The following NDUFAF6 variants were observed in gnomAD, a reference collection of about 807,000 sequenced individuals.
NDUFAF6 encodes NADH dehydrogenase (ubiquinone) complex I, assembly factor 6.
In NDUFAF6, 45 loss-of-function variants were observed where a neutral mutation model predicts 40.8. The observed-to-expected ratio is 1.10, with a 90% CI of 0.87 to 1.42. The LOEUF is 1.42. NDUFAF6 is among the 40% of genes most tolerant of loss of function. The pLI is 0.00. For synonymous variants in NDUFAF6, 185 were observed against 155.9 expected (o/e 1.19, Z -1.39); for missense variants, 435 against 418.5 (o/e 1.04, Z -0.34).
intron 2 of NDUFAF6, among the ~76,000 whole-genome samples, chr8:95,014,376 G>A (rs565083607): frequency 6.6e-6 from 1 of 152,356 alleles, no homozygotes; most frequent in East Asian, 1.9e-4. Context: ...CTTGGCATGT[G>A]TAAGGAACAC....
chr8:94,921,866 T>C (rs1212885063), intron 1 of NDUFAF6, among the ~76,000 whole-genome samples: 2 of 152,224 alleles, frequency 1.3e-5, no homozygotes, highest in Non-Finnish European at 2.9e-5. Context: ...TTTAGGGCAA[T>C]GGTCTCAAAG....
chr8:94,979,561 G>A (rs901941636), intron 1 of NDUFAF6, among the ~76,000 whole-genome samples: 2 of 152,056 alleles, frequency 1.3e-5, no homozygotes, highest in Non-Finnish European at 2.9e-5. Context: ...GAAATCTGGG[G>A]ATTTTACTTT....
At chr8:95,072,606 G>C (rs1356407436) in intron 9 of NDUFAF6, 1 of 152,262 alleles carries the variant, frequency 6.6e-6, no homozygotes, top group Non-Finnish European at 1.5e-5. Flanking sequence ...GGTATGTTCA[G>C]CCTTTTTCTA....
At chr8:94,990,023 C>T (rs1175397766) in intron 2 of NDUFAF6, among the ~76,000 whole-genome samples, 1 of 152,162 alleles carries the variant, frequency 6.6e-6, no homozygotes, top group Admixed American at 6.5e-5. Context: ...AGCCACCACG[C>T]CTGGCCAAAA....
intron 2 of NDUFAF6, among the ~76,000 whole-genome samples, chr8:94,948,603 G>T (rs1822227888): frequency 6.6e-6 from 1 of 152,184 alleles, no homozygotes; most frequent in African/African-American, 2.4e-5. Flanking sequence ...CGGAGGGCAG[G>T]CGCAGGGGAC....
intron 2 of NDUFAF6, among the ~76,000 whole-genome samples, chr8:94,991,528 TG>T (rs1826191090): frequency 6.6e-6 from 1 of 152,250 alleles, no homozygotes; most frequent in African/African-American, 2.4e-5. Flanking sequence ...ATTTGCTATA[TG>T]AATCTAATCA....
intron 2 of NDUFAF6, among the ~76,000 whole-genome samples, chr8:95,032,454 C>T (rs1019776877): frequency 6.6e-6 from 1 of 152,134 alleles, no homozygotes; most frequent in Non-Finnish European, 1.5e-5. Context: ...AGCAGTTTTT[C>T]AAAGCATTTT....
At chr8:94,939,014 A>T (rs565006585) in intron 1 of NDUFAF6, among the ~76,000 whole-genome samples, 10 of 152,318 alleles carry the variant, frequency 6.6e-5, no homozygotes, top group African/African-American at 2.2e-4. Context: ...AGAGGACACT[A>T]GAGGGTGTCC....
intron 1 of NDUFAF6, among the ~76,000 whole-genome samples, chr8:94,964,690 A>T (rs1823868473): frequency 6.6e-6 from 1 of 152,184 alleles, no homozygotes; most frequent in Non-Finnish European, 1.5e-5. Context: ...TAATAGAATG[A>T]GAACTCACTC....
intron 2 of NDUFAF6, among the ~76,000 whole-genome samples, chr8:94,985,561 A>G (rs1825835047): frequency 1.0e-5 from 1 of 98,036 alleles, no homozygotes; most frequent in African/African-American, 4.2e-5. Context: ...TCTGAGACAG[A>G]ATCTCACTCT....
chr8:95,077,439 CACTA>C (rs2076075248), downstream of NDUFAF6, among the ~76,000 whole-genome samples: 1 of 152,150 alleles, frequency 6.6e-6, no homozygotes, highest in Non-Finnish European at 1.5e-5. Context: ...ATGACTAAGT[CACTA>C]ACTAAGTGAC....
chr8:95,047,805 G>C (rs546589977), intron 6 of NDUFAF6, among the ~76,000 whole-genome samples: 3 of 151,370 alleles, frequency 2.0e-5, no homozygotes, highest in African/African-American at 7.3e-5. Flanking sequence ...CACTGCGCCC[G>C]GCGAGAACTT....
rs1381562280 is a variant in NDUFAF6, at chr8:95,058,533, G to C, written c.*596G>C. 4 of 1,222,536 alleles carry C rather than the reference G, an allele frequency of 3.3e-6. No individual in the cohort carries two copies. In the Admixed American group the frequency reaches 1.7e-4, roughly 52 times the overall value. 75.7% of individuals were successfully genotyped at this position (1,222,536 alleles called of 1,614,324 possible). On this transcript the variant is annotated 3_prime_UTR_variant, in exon 9 of 9. Transcript: ENST00000396124. The stretch of plus-strand genomic sequence containing the variant: ...GGTTGGAGTGGCTGGCAAGAGCAGA[G>C]CCTTAATTTGACTTTAGCTCTGGCT...
chr8:95,056,111 T>C (rs1832093776), intron 8 of NDUFAF6, among the ~76,000 whole-genome samples: 1 of 152,234 alleles, frequency 6.6e-6, no homozygotes, highest in Non-Finnish European at 1.5e-5. Flanking sequence ...ACTCTTAATG[T>C]TTCTGAGATT....
intron 7 of NDUFAF6, among the ~76,000 whole-genome samples, chr8:95,050,274 A>G (rs1831280741): frequency 6.6e-6 from 1 of 152,224 alleles, no homozygotes; most frequent in Non-Finnish European, 1.5e-5. Flanking sequence ...AAATTTCCAA[A>G]TGATTTTAAA....
intron 1 of NDUFAF6, among the ~76,000 whole-genome samples, chr8:94,896,187 C>G (rs1303362119): frequency 1.3e-5 from 2 of 151,584 alleles, no homozygotes; most frequent in Non-Finnish European, 3.0e-5. Context: ...TCCCCCTGAG[C>G]GCGGTGGTCC....
intron 2 of NDUFAF6, among the ~76,000 whole-genome samples, chr8:95,032,394 A>G (rs535727909): frequency 1.3e-5 from 2 of 152,248 alleles, no homozygotes; most frequent in Non-Finnish European, 2.9e-5. Context: ...TAGGTTAGTC[A>G]GAGAATTACT....
At chr8:94,931,679 GAA>G (rs1563721299) in intron 1 of NDUFAF6, among the ~76,000 whole-genome samples, 1 of 151,872 alleles carries the variant, frequency 6.6e-6, no homozygotes, top group African/African-American at 2.4e-5. Context: ...TTAATATAAA[GAA>G]AATTATTTTT....
At chr8:95,037,234 C>G (rs1056304908) in intron 3 of NDUFAF6, among the ~76,000 whole-genome samples, 5 of 152,252 alleles carry the variant, frequency 3.3e-5, no homozygotes, top group Admixed American at 6.5e-5. Flanking sequence ...GTTCACACTT[C>G]ATTCAGCAGA....
Sources: allele counts gnomAD v4.1 joint callset (sites outside exome capture counted in the v4.1 genomes callset), GRCh38; gene constraint gnomAD v4.1.1; transcripts MANE v1.5; gene names NCBI Gene and HGNC (gene_info 2026-07-23, HGNC 2026-07-21).